AOAH: variants seen among roughly 807,000 people sequenced by gnomAD.
The protein encoded by AOAH is acyloxyacyl hydrolase.
Under a neutral mutation model 92.2 loss-of-function variants are expected in AOAH, and 64 were observed. The observed-to-expected ratio is 0.69, with a 90% CI of 0.57 to 0.86. The LOEUF is 0.86. Ranked by LOEUF, AOAH falls within the 40% of genes least tolerant of loss-of-function variation. AOAH has a pLI of 0.00. For synonymous variants in AOAH, 263 were observed against 254.5 expected, an observed-to-expected ratio of 1.03 and a Z score of -0.32; for missense variants, 656 against 694.6, an observed-to-expected ratio of 0.94 and a Z score of 0.62.
chr7:36,680,739 C>T (rs1796594358), intron 2 of AOAH, among the ~76,000 whole-genome samples: 1 of 152,176 alleles, frequency 6.6e-6, no homozygotes, highest in Non-Finnish European at 1.5e-5. Flanking sequence ...GGAGGTAAAA[C>T]AAGAATTGAT....
At chr7:36,628,155 G>T (rs1792812111) in intron 6 of AOAH, among the ~76,000 whole-genome samples, 1 of 152,058 alleles carries the variant, frequency 6.6e-6, no homozygotes, top group Non-Finnish European at 1.5e-5. Context: ...TGGGGAAGGA[G>T]GAGGCTAAAA....
At chr7:36,678,084 T>C (rs1796369343) in intron 2 of AOAH, among the ~76,000 whole-genome samples, 2 of 152,360 alleles carry the variant, frequency 1.3e-5, no homozygotes, top group African/African-American at 4.8e-5. Flanking sequence ...TTGTACACTT[T>C]AAATGAGTGA....
intron 15 of AOAH, among the ~76,000 whole-genome samples, chr7:36,543,841 T>G (rs1460442562): frequency 6.6e-6 from 1 of 152,146 alleles, no homozygotes; most frequent in Non-Finnish European, 1.5e-5. Context: ...CAAGGGAGTC[T>G]ATGTGATTCA....
chr7:36,716,054 G>A (rs985845961), intron 1 of AOAH, among the ~76,000 whole-genome samples: 3 of 151,958 alleles, frequency 2.0e-5, no homozygotes, highest in Non-Finnish European at 4.4e-5. Context: ...CAGAATGGGA[G>A]AAAATTTTTG....
At position 36,668,685 on chromosome 7, in the gene AOAH, C is replaced by G. The variant is rs556274556; in HGVS notation, c.290+5258G>C. Among the ~76,000 whole-genome samples the G allele has an allele frequency of 3.3e-4, 51 of 152,314 alleles. 1 individual carries two copies. Among genetic ancestry groups the G allele is most frequent in the Middle Eastern group, 6.8e-3 (2 of 294 alleles). ...TATTTCTAGTAGAGACGGGGTTTCA[C>G]TATGTTGGCCAAAGTGGTCTTAAAC... On this transcript the variant is annotated intron_variant, in intron 3 of 20. Transcript: ENST00000617537.
intron 16 of AOAH, among the ~76,000 whole-genome samples, chr7:36,534,591 T>C (rs1784896611): frequency 6.6e-6 from 1 of 152,234 alleles, no homozygotes; most frequent in African/African-American, 2.4e-5. Flanking sequence ...TCTTACACTT[T>C]CTGCTTTATT....
At chr7:36,708,537 C>G (rs1012710945) in intron 1 of AOAH, among the ~76,000 whole-genome samples, 1 of 152,094 alleles carries the variant, frequency 6.6e-6, no homozygotes, top group Non-Finnish European at 1.5e-5. Context: ...GTCTTTAATT[C>G]ACTCAGAGTC....
chr7:36,557,351 T>C, intron 13 of AOAH, among the ~76,000 whole-genome samples: 1 of 152,228 alleles, frequency 6.6e-6, no homozygotes, highest in Non-Finnish European at 1.5e-5. Flanking sequence ...TGCTGAGAGA[T>C]CAGCTGTTAG....
At chr7:36,713,610 G>C (rs1430105783) in intron 1 of AOAH, among the ~76,000 whole-genome samples, 1 of 152,186 alleles carries the variant, frequency 6.6e-6, no homozygotes, top group Non-Finnish European at 1.5e-5. Context: ...GAAAAGAACA[G>C]AAATTATAAC....
Position 36,530,511 on chromosome 7 carries a change from C to G in AOAH, c.1429G>C (p.Ala477Pro). ...KTLRTLTSERAEQLSNTLKKI... is the reference protein window; with the variant it reads ...KTLRTLTSERPEQLSNTLKKI... The stretch of plus-strand genomic sequence containing the variant: ...TTCAGTGTGTTGGAGAGTTGCTCTG[C>G]TCTCTGAAGAGAGAGGAAACAGGGA... The change falls in exon 19 of 21, where the codon GCA (alanine) becomes CCA (proline). Residue 477 changes from alanine to proline, a missense_variant. By Grantham distance (27) the Ala-to-Pro change is conservative (BLOSUM62 -1). Coordinates refer to ENST00000617537, the MANE Select transcript of AOAH (RefSeq NM_001637.4). The G allele has an allele frequency of 1.2e-6, 2 of 1,607,676 alleles. No individual in the cohort carries two copies. The highest frequency in any genetic ancestry group is 1.7e-6 in the Non-Finnish European group (2 of 1,174,354).
chr7:36,563,759 T>C (rs1413053426), intron 13 of AOAH, among the ~76,000 whole-genome samples: 1 of 152,222 alleles, frequency 6.6e-6, no homozygotes, highest in Non-Finnish European at 1.5e-5. Context: ...TAGAGGTAGT[T>C]TCAGGAGAAT....
intron 15 of AOAH, among the ~76,000 whole-genome samples, chr7:36,547,034 A>G (rs1290714984): frequency 6.6e-6 from 1 of 152,258 alleles, no homozygotes; most frequent in Non-Finnish European, 1.5e-5. Flanking sequence ...TTGATGCTCA[A>G]TACCAGAACA....
intron 1 of AOAH, among the ~76,000 whole-genome samples, chr7:36,716,141 C>G (rs1386409832): frequency 2.0e-5 from 3 of 152,146 alleles, no homozygotes; most frequent in African/African-American, 7.2e-5. Flanking sequence ...AAAAAACAAA[C>G]AACCCCATCA....
chr7:36,578,656 C>T (rs888100733), intron 12 of AOAH, among the ~76,000 whole-genome samples: 1 of 152,168 alleles, frequency 6.6e-6, no homozygotes, highest in Non-Finnish European at 1.5e-5. Context: ...TAGTCTTTGA[C>T]ATTATCTGTT....
intron 13 of AOAH, among the ~76,000 whole-genome samples, chr7:36,562,830 C>T (rs563362047): frequency 4.6e-5 from 7 of 152,112 alleles, no homozygotes; most frequent in African/African-American, 1.7e-4. Flanking sequence ...CTCATGGTAA[C>T]CCCAAGTGAT....
intron 1 of AOAH, among the ~76,000 whole-genome samples, chr7:36,713,179 C>A (rs757277357): frequency 2.1e-4 from 32 of 152,144 alleles, no homozygotes; most frequent in Non-Finnish European, 4.0e-4. Flanking sequence ...GGGTTGCAAT[C>A]CTAGTCGCTG....
intron 6 of AOAH, among the ~76,000 whole-genome samples, chr7:36,629,272 T>C (rs1179838819): frequency 3.3e-5 from 5 of 152,204 alleles, no homozygotes; most frequent in African/African-American, 1.2e-4. Flanking sequence ...CCTTTCAAAT[T>C]GGACCAAGAA....
intron 4 of AOAH, among the ~76,000 whole-genome samples, chr7:36,640,115 G>A (rs1487247175): frequency 2.0e-5 from 3 of 152,128 alleles, no homozygotes; most frequent in African/African-American, 7.2e-5. Flanking sequence ...TGCACATGGG[G>A]GTGGCAGCAG....
At chr7:36,642,020 G>T (rs1163953260) in intron 4 of AOAH, among the ~76,000 whole-genome samples, 1 of 152,056 alleles carries the variant, frequency 6.6e-6, no homozygotes, top group Non-Finnish European at 1.5e-5. Context: ...GAGAGGCTTG[G>T]GGACTACTGA....
Sources: allele counts gnomAD v4.1 joint callset (sites outside exome capture counted in the v4.1 genomes callset), GRCh38; gene constraint gnomAD v4.1.1; transcripts MANE v1.5; gene names NCBI Gene and HGNC (gene_info 2026-07-23, HGNC 2026-07-21).